Variants in DAB2IP observed in about 807,000 individuals in gnomAD.
The protein encoded by DAB2IP is DAB2 interacting protein, also known as disabled homolog 2-interacting protein.
Under a neutral mutation model 107.2 loss-of-function variants are expected in DAB2IP, and 28 were observed. That is an observed-to-expected ratio of 0.26 (90% CI 0.19 to 0.36). The LOEUF (loss-of-function observed/expected upper bound fraction) is 0.36, where lower values mean the gene tolerates loss of function less well. Among genes scored for constraint, DAB2IP ranks in the 10% least tolerant of loss-of-function variants. DAB2IP has a pLI of 1.00. For synonymous variants in DAB2IP, 755 were observed against 706.4 expected (o/e 1.07, Z -1.09); for missense variants, 1,400 against 1,644.7 (o/e 0.85, Z 2.57).
chr9:121,675,921 C>G (rs1176862422), intron 1 of DAB2IP, among the ~76,000 whole-genome samples: 1 of 152,196 alleles, frequency 6.6e-6, no homozygotes, highest in Non-Finnish European at 1.5e-5. Flanking sequence ...GCAAAACCTC[C>G]AGAAAGAGTG....
rs547336350 is a variant in DAB2IP, at chr9:121,699,311, C to A, written c.229-14C>A. The A allele has an allele frequency of 7.3e-7, 1 of 1,366,092 alleles. No homozygotes were observed. Among genetic ancestry groups the A allele is most frequent in the African/African-American group, 1.5e-5 (1 of 65,330 alleles). The allele number at this position is 1,366,092 out of a possible 1,614,324, so 84.6% of individuals were successfully genotyped here. ...CCCCGCCTCCCCTTCCCCCTCTTGTCCCCCCGTGCGCAGGGCTTCCTCAGC... is the reference window on the plus strand; with the variant it reads ...CCCCGCCTCCCCTTCCCCCTCTTGTACCCCCGTGCGCAGGGCTTCCTCAGC... On this transcript the variant is annotated splice_polypyrimidine_tract_variant and intron_variant, in intron 2 of 15. Transcript: ENST00000408936. The surrounding 1 kb of genome is among the most constrained non-coding windows in gnomAD (Gnocchi z 6.2).
At chr9:121,643,942 A>G (rs976140325) in intron 1 of DAB2IP, among the ~76,000 whole-genome samples, 28 of 152,186 alleles carry the variant, frequency 1.8e-4, no homozygotes, top group African/African-American at 6.8e-4. Flanking sequence ...ATAAGGTGGG[A>G]GAATCACTTA....
chr9:121,605,008 TTTTTG>T (rs769472202), intron 1 of DAB2IP, among the ~76,000 whole-genome samples: 29 of 152,040 alleles, frequency 1.9e-4, no homozygotes, highest in Non-Finnish European at 3.2e-4. Context: ...CTCATTTGGA[TTTTTG>T]TTTTGTTTTG....
chr9:121,735,814 G>T (rs560712884), intron 3 of DAB2IP, among the ~76,000 whole-genome samples: 3 of 152,326 alleles, frequency 2.0e-5, no homozygotes, highest in Non-Finnish European at 4.4e-5. Context: ...GGTTGGCTGG[G>T]TGTGCCTTTC....
intron 1 of DAB2IP, among the ~76,000 whole-genome samples, chr9:121,652,827 C>T (rs1464610760): frequency 6.6e-6 from 1 of 152,168 alleles, no homozygotes; most frequent in East Asian, 1.9e-4. Context: ...GTGACCTGGG[C>T]TGAGCTGCCT....
intron 9 of DAB2IP, among the ~76,000 whole-genome samples, chr9:121,767,722 G>C (rs188339500): frequency 1.3e-5 from 2 of 152,352 alleles, no homozygotes; most frequent in Admixed American, 6.5e-5. Context: ...AGATGGGTTG[G>C]AGGGAGCAGG....
intron 3 of DAB2IP, among the ~76,000 whole-genome samples, chr9:121,754,335 T>A (rs1471159750): frequency 6.6e-6 from 1 of 151,754 alleles, no homozygotes; most frequent in African/African-American, 2.4e-5. Flanking sequence ...AGTGAGAGAG[T>A]ACGGGTCCAC....
intron 1 of DAB2IP, among the ~76,000 whole-genome samples, chr9:121,578,313 G>C (rs1182529026): frequency 2.0e-5 from 3 of 151,286 alleles, no homozygotes; most frequent in Non-Finnish European, 4.4e-5. Flanking sequence ...CTGTATCTCT[G>C]CCTCTCTCTC....
At chr9:121,656,108 A>T (rs1383183362) in intron 1 of DAB2IP, among the ~76,000 whole-genome samples, 1 of 151,692 alleles carries the variant, frequency 6.6e-6, no homozygotes, top group East Asian at 1.9e-4. Context: ...TCCCGGGTTC[A>T]AGCGATTCTC....
rs769725382 is a variant in DAB2IP, at chr9:121,642,027, CTCT to C, written c.41-36650_41-36648del. 1.5e-3 allele frequency among the ~76,000 whole-genome samples: 59 copies of C among 39,494 alleles called. 2 individuals are homozygous for C. The highest frequency in any genetic ancestry group is 4.8e-3 in the South Asian group (3 of 624). 25.9% of individuals were successfully genotyped at this position (39,494 alleles called of 152,430 possible). On this transcript the variant is annotated intron_variant, in intron 1 of 16. Transcript: ENST00000259371. ...TCTCTCTCTCTCTCTCTCTCTCTCT[CTCT>C]CTTTCTTTCTTTCTTTCTTTCTTTC...
chr9:121,602,832 C>T (rs112270033), intron 1 of DAB2IP, among the ~76,000 whole-genome samples: 1 of 152,338 alleles, frequency 6.6e-6, no homozygotes, highest in Non-Finnish European at 1.5e-5. Flanking sequence ...ACCTCGGCCT[C>T]CCAAAGTACT....
chr9:121,687,119 G>T (rs1828924478), intron 2 of DAB2IP, among the ~76,000 whole-genome samples: 1 of 152,176 alleles, frequency 6.6e-6, no homozygotes, highest in Non-Finnish European at 1.5e-5. Context: ...CCAGGGGTTT[G>T]TGTGTCAGGG....
chr9:121,683,281 A>T (rs1183254519), intron 2 of DAB2IP, among the ~76,000 whole-genome samples: 1 of 152,098 alleles, frequency 6.6e-6, no homozygotes, highest in Non-Finnish European at 1.5e-5. Context: ...GGAGGCAAAG[A>T]GCTGATGACT....
intron 3 of DAB2IP, chr9:121,737,619 C>T: frequency 1.0e-6 from 1 of 985,442 alleles, no homozygotes; most frequent in Non-Finnish European, 1.2e-6. Flanking sequence ...CACTGGAGAC[C>T]TGGCCATCTT....
Position 121,699,481 on chromosome 9 carries a change from G to T in DAB2IP, c.362+23G>T. On this transcript the variant is annotated intron_variant, in intron 3 of 15. Coordinates refer to ENST00000408936, the Ensembl canonical transcript of DAB2IP. The surrounding 1 kb of genome is among the most constrained non-coding windows in gnomAD (Gnocchi z 6.2). The stretch of plus-strand genomic sequence containing the variant: ...GAGGTGAGCCCGCCGCCGCCGCCCG[G>T]TCCCCCGCGCCGCCGCCCCGGGCTG... 7.8e-7 allele frequency: 1 copy of T among 1,288,784 alleles called. No individual in the cohort carries two copies. The allele number at this position is 1,288,784 out of a possible 1,614,324, so 79.8% of individuals were successfully genotyped here.
intron 1 of DAB2IP, among the ~76,000 whole-genome samples, chr9:121,579,103 C>T (rs1401528677): frequency 6.6e-6 from 1 of 152,088 alleles, no homozygotes; most frequent in Non-Finnish European, 1.5e-5. Flanking sequence ...GATCTCTGCC[C>T]CTTACCAGGG....
At chr9:121,685,530 AGGGAGGAGAGAG>A (rs1444823244) in intron 2 of DAB2IP, among the ~76,000 whole-genome samples, 1 of 152,224 alleles carries the variant, frequency 6.6e-6, no homozygotes, top group African/African-American at 2.4e-5. Context: ...TCCCAGGCTT[AGGGAGGAGAGAG>A]GCCTGGCCTC....
In DAB2IP at chr9:121,591,721, C is replaced by T. The variant is rs114539665; in HGVS notation, c.40+24493C>T. ...TCCAGGCAAGAGACCACAGTGTCTG[C>T]ACTGGGCTGGAGATAAACATTTGGG... On this transcript the variant is annotated intron_variant, in intron 1 of 16. Transcript: ENST00000259371. 3.7e-3 allele frequency among the ~76,000 whole-genome samples: 568 copies of T among 152,332 alleles called. 3 individuals carry two copies. Among genetic ancestry groups the T allele is most frequent in the African/African-American group, 0.013 (545 of 41,572 alleles).
At chr9:121,661,102 C>G (rs902566044) in intron 1 of DAB2IP, among the ~76,000 whole-genome samples, 1 of 152,022 alleles carries the variant, frequency 6.6e-6, no homozygotes, top group African/African-American at 2.4e-5. Context: ...GTGGGGGATG[C>G]CCGGCAGGCT....
Sources: allele counts gnomAD v4.1 joint callset (sites outside exome capture counted in the v4.1 genomes callset), GRCh38; gene constraint gnomAD v4.1.1; non-coding constraint Gnocchi (gnomAD v3.1); transcripts MANE v1.5; gene names NCBI Gene and HGNC (gene_info 2026-07-23, HGNC 2026-07-21).